Variants in COA1 observed in about 807,000 individuals in gnomAD.
COA1 encodes the protein cytochrome c oxidase assembly factor 1.
A neutral mutation model predicts 16.0 loss-of-function variants in COA1; 13 were observed. The observed-to-expected ratio is 0.81, with a 90% CI of 0.53 to 1.29. COA1 has a LOEUF of 1.29. COA1 is among the 50% of genes most tolerant of loss of function. COA1 has a pLI of 0.00. For synonymous variants in COA1, 65 were observed against 65.7 expected (o/e 0.99, Z 0.05); for missense variants, 179 against 177.0 (o/e 1.01, Z -0.06).
chr7:43,658,858 C>G (rs778931979), intron 1 of COA1: 1 of 152,334 alleles, frequency 6.6e-6, no homozygotes, highest in East Asian at 1.9e-4. Context: ...GCCACAGGCT[C>G]GGTATCTTCA....
At chr7:43,697,944 G>T (rs1020760257) in intron 1 of COA1, among the ~76,000 whole-genome samples, 4 of 152,198 alleles carry the variant, frequency 2.6e-5, no homozygotes, top group African/African-American at 7.2e-5. Flanking sequence ...CTAATATAAA[G>T]GTAGATAGCA....
intron 1 of COA1, among the ~76,000 whole-genome samples, chr7:43,720,614 T>C (rs2095487906): frequency 1.3e-5 from 2 of 152,142 alleles, no homozygotes; most frequent in South Asian, 4.1e-4. Flanking sequence ...AAATCATTGT[T>C]CTGTGCAACG....
At chr7:43,621,180 A>G (rs954344092) in intron 6 of COA1, among the ~76,000 whole-genome samples, 1 of 152,230 alleles carries the variant, frequency 6.6e-6, no homozygotes, top group Non-Finnish European at 1.5e-5. Context: ...AGTTAATTAG[A>G]TAATAAAAGA....
rs1300439187 is a variant in COA1, at chr7:43,644,756, A to T, written c.264+495T>A. 3.3e-3 allele frequency among the ~76,000 whole-genome samples: 274 copies of T among 84,052 alleles called. 4 individuals carry two copies. The highest frequency in any genetic ancestry group is 0.011 in the African/African-American group (261 of 23,850). The allele number at this position is 84,052 out of a possible 152,430, so 55.1% of individuals were successfully genotyped here. ...TAGATAGATAGATAGATAGATAGATAGATAGGCAGGCAGGCAGGCAGGCAG... is the reference window on the plus strand; with the variant it reads ...TAGATAGATAGATAGATAGATAGATTGATAGGCAGGCAGGCAGGCAGGCAG... On this transcript the variant is annotated intron_variant, in intron 4 of 5. Transcript: ENST00000223336.
chr7:43,694,240 T>C (rs112742070), intron 1 of COA1, among the ~76,000 whole-genome samples: 88 of 146,934 alleles, frequency 6.0e-4, no homozygotes, highest in African/African-American at 2.0e-3. Context: ...TCAAAAACAC[T>C]ATAATAGCTC....
chr7:43,694,472 C>T (rs1056371109), intron 1 of COA1, among the ~76,000 whole-genome samples: 6 of 152,108 alleles, frequency 3.9e-5, no homozygotes, highest in Non-Finnish European at 8.8e-5. Context: ...TAATGTCCTC[C>T]GTATTGTTAA....
In COA1 at chr7:43,619,558, T is replaced by C. The variant is rs770607965; in HGVS notation, c.*134-10063A>G. 23 of 1,603,686 alleles carry C rather than the reference T, an allele frequency of 1.4e-5. No individual in the cohort carries two copies. In the South Asian group the frequency reaches 2.1e-4, roughly 15 times the overall value. The stretch of plus-strand genomic sequence containing the variant: ...GCTGCATGTTTTGTGTACTTAATCA[T>C]AGTTATATTGATTTTTGCGGGGGTG... On this transcript the variant is annotated intron_variant and NMD_transcript_variant, in intron 6 of 6. Coordinates refer to the COA1 transcript ENST00000415076.
At chr7:43,645,228 G>C (rs768554403) in intron 4 of COA1, 23 bp downstream of exon 4, 1 of 1,611,920 alleles carries the variant, frequency 6.2e-7, no homozygotes, top group African/African-American at 1.3e-5. Flanking sequence ...ACCAGCCTGC[G>C]GTTCGCAGGG....
intron 1 of COA1, among the ~76,000 whole-genome samples, chr7:43,682,100 T>A (rs745530493): frequency 2.0e-5 from 3 of 152,112 alleles, no homozygotes; most frequent in African/African-American, 7.2e-5. Context: ...ATGAACGAAA[T>A]AGTGCAAGTT....
At chr7:43,680,362 T>C (rs1317761816) in intron 1 of COA1, among the ~76,000 whole-genome samples, 1 of 151,826 alleles carries the variant, frequency 6.6e-6, no homozygotes, top group Non-Finnish European at 1.5e-5. Context: ...CAAAACGTCT[T>C]TAATTAAAGT....
chr7:43,663,363 A>G (rs540603891), intron 1 of COA1, among the ~76,000 whole-genome samples: 1 of 152,208 alleles, frequency 6.6e-6, no homozygotes, highest in African/African-American at 2.4e-5. Context: ...AGCAAAATAA[A>G]AACAGCCTAA....
intron 1 of COA1, among the ~76,000 whole-genome samples, chr7:43,723,104 G>A (rs549229211): frequency 1.3e-5 from 2 of 152,324 alleles, no homozygotes; most frequent in African/African-American, 4.8e-5. Flanking sequence ...CAATGGGAGG[G>A]AGAGGTTGGT....
chr7:43,701,030 A>G (rs1488868647), intron 1 of COA1, among the ~76,000 whole-genome samples: 3 of 152,204 alleles, frequency 2.0e-5, no homozygotes, highest in Non-Finnish European at 4.4e-5. Context: ...TTACAGCAAT[A>G]TATTTTGAAG....
At chr7:43,725,629 C>T (rs539702484) in intron 1 of COA1, among the ~76,000 whole-genome samples, 4 of 152,128 alleles carry the variant, frequency 2.6e-5, no homozygotes, top group South Asian at 2.1e-4. Flanking sequence ...GAGGCCGAGG[C>T]GGTGGATCAC....
intron 1 of COA1, among the ~76,000 whole-genome samples, chr7:43,716,685 C>T (rs2095402315): frequency 6.6e-6 from 1 of 152,158 alleles, no homozygotes; most frequent in Non-Finnish European, 1.5e-5. Context: ...TAGCAGGGAG[C>T]CCAATGTTAA....
At chr7:43,693,253 A>G (rs528724136) in intron 1 of COA1, among the ~76,000 whole-genome samples, 1 of 152,226 alleles carries the variant, frequency 6.6e-6, no homozygotes, top group South Asian at 2.1e-4. Context: ...TTCAAGTCTT[A>G]TATCATCACT....
At chr7:43,702,815 G>A (rs1178207585) in intron 1 of COA1, among the ~76,000 whole-genome samples, 5 of 152,030 alleles carry the variant, frequency 3.3e-5, no homozygotes, top group African/African-American at 4.8e-5. Context: ...TTTTGGTTTC[G>A]TTGGTCTTTT....
intron 1 of COA1, among the ~76,000 whole-genome samples, chr7:43,673,978 C>T (rs1025357556): frequency 6.6e-6 from 1 of 152,038 alleles, no homozygotes; most frequent in African/African-American, 2.4e-5. Context: ...GCACAACAGA[C>T]ACCAGGACCT....
chr7:43,714,273 A>C (rs1267880774), intron 1 of COA1, among the ~76,000 whole-genome samples: 9 of 152,232 alleles, frequency 5.9e-5, no homozygotes, highest in Admixed American at 4.6e-4. Flanking sequence ...TCTGTTTAAA[A>C]AATAAAGATA....
Sources: allele counts gnomAD v4.1 joint callset (sites outside exome capture counted in the v4.1 genomes callset), GRCh38; gene constraint gnomAD v4.1.1; transcripts MANE v1.5; gene names NCBI Gene and HGNC (gene_info 2026-07-23, HGNC 2026-07-21).